LCOR: variants seen among roughly 807,000 people sequenced by gnomAD.
LCOR encodes the protein ligand dependent nuclear receptor corepressor.
A neutral mutation model predicts 64.4 loss-of-function variants in LCOR; 14 were observed. The ratio of observed to expected loss-of-function variants is 0.22; its 90% CI spans 0.14 to 0.34. The LOEUF is 0.34. Among genes scored for constraint, LCOR ranks in the 10% least tolerant of loss-of-function variants. The pLI, the probability that LCOR is intolerant of heterozygous loss-of-function variation, is 1.00. For synonymous variants in LCOR, 643 were observed against 642.5 expected, an observed-to-expected ratio of 1.00 and a Z score of -0.01; for missense variants, 1,686 against 1,765.3, an observed-to-expected ratio of 0.96 and a Z score of 0.80.
intron 4 of LCOR, among the ~76,000 whole-genome samples, chr10:96,908,714 G>A (rs1407868133): frequency 3.0e-5 from 4 of 135,146 alleles, no homozygotes; most frequent in Admixed American, 7.9e-5. Flanking sequence ...TTCTTCTGCC[G>A]TATACACTCT....
chr10:96,904,317 C>T (rs1458255053), intron 2 of LCOR, among the ~76,000 whole-genome samples: 1 of 152,162 alleles, frequency 6.6e-6, no homozygotes, highest in Admixed American at 6.5e-5. Flanking sequence ...GATCACTGAA[C>T]ACAACAGAAG....
chr10:96,863,915 A>G (rs929929728), intron 2 of LCOR, among the ~76,000 whole-genome samples: 8 of 152,088 alleles, frequency 5.3e-5, no homozygotes, highest in Non-Finnish European at 1.0e-4. Flanking sequence ...TTCTTTCTGT[A>G]TCAGTTAGCA....
intron 2 of LCOR, among the ~76,000 whole-genome samples, chr10:96,902,139 A>T (rs1328635193): frequency 2.6e-5 from 4 of 152,166 alleles, no homozygotes; most frequent in African/African-American, 9.7e-5. Context: ...CTTAAAAAAA[A>T]AAAATACTAT....
rs1185378093 is a variant in LCOR, at chr10:96,993,421, G to A, written c.*8287G>A. The A allele has an allele frequency of 1.3e-5, 2 of 152,156 alleles. No homozygotes were observed. Among genetic ancestry groups the A allele is most frequent in the Non-Finnish European group, 2.9e-5 (2 of 68,038 alleles). The allele number at this position is 152,156 out of a possible 1,614,324, so 9.4% of individuals were successfully genotyped here. On this transcript the variant is annotated 3_prime_UTR_variant, in exon 8 of 8. Transcript: ENST00000421806. ...ACTAGGTGCCAGGGAATTTAGCACT[G>A]AACTAGACAGTCAAAACTTTTTTAA...
chr10:96,965,759 G>A (rs1445476706), intron 7 of LCOR, among the ~76,000 whole-genome samples: 1 of 149,638 alleles, frequency 6.7e-6, no homozygotes. Context: ...CTACAGACTT[G>A]TTCTGTTGGC....
intron 2 of LCOR, among the ~76,000 whole-genome samples, chr10:96,852,996 A>G (rs1294129578): frequency 6.6e-6 from 1 of 152,194 alleles, no homozygotes; most frequent in Non-Finnish European, 1.5e-5. Flanking sequence ...GTATGCTTGA[A>G]TAGTAAATTT....
intron 4 of LCOR, among the ~76,000 whole-genome samples, chr10:96,922,752 A>T (rs937965553): frequency 1.3e-5 from 2 of 152,224 alleles, no homozygotes; most frequent in African/African-American, 2.4e-5. Context: ...GCAAATGCTG[A>T]TTATAGATAC....
chr10:96,880,932 ACT>A (rs1846252246), intron 2 of LCOR, among the ~76,000 whole-genome samples: 1 of 152,232 alleles, frequency 6.6e-6, no homozygotes, highest in Non-Finnish European at 1.5e-5. Context: ...ATCAAATATA[ACT>A]AATATTGAAG....
At chr10:96,945,349 T>C (rs1847569402) in intron 5 of LCOR, among the ~76,000 whole-genome samples, 1 of 152,180 alleles carries the variant, frequency 6.6e-6, no homozygotes, top group Non-Finnish European at 1.5e-5. Context: ...CGGTGTGAAG[T>C]GTAGTGTCAT....
At chr10:96,867,951 C>T (rs11188953) in intron 2 of LCOR, among the ~76,000 whole-genome samples, 17 of 152,108 alleles carry the variant, frequency 1.1e-4, no homozygotes, top group African/African-American at 4.1e-4. Context: ...ATGGCATGAT[C>T]TTGGCTCACT....
intron 4 of LCOR, among the ~76,000 whole-genome samples, chr10:96,925,594 T>G (rs1373916548): frequency 6.6e-6 from 1 of 151,938 alleles, no homozygotes; most frequent in Non-Finnish European, 1.5e-5. Flanking sequence ...TTGTTTTTAC[T>G]TATTTTATTT....
intron 7 of LCOR, chr10:96,955,436 G>T: frequency 1.9e-6 from 3 of 1,614,194 alleles, no homozygotes; most frequent in Non-Finnish European, 2.5e-6. Flanking sequence ...CTGGTGATCA[G>T]TACAGCTATA....
At chr10:96,950,706 A>T (rs998979442) in intron 6 of LCOR, among the ~76,000 whole-genome samples, 4 of 152,128 alleles carry the variant, frequency 2.6e-5, no homozygotes, top group Admixed American at 6.5e-5. Context: ...AAGTAAAAAA[A>T]TTTTAAATTA....
chr10:96,844,236 C>T (rs1278109378), intron 2 of LCOR, among the ~76,000 whole-genome samples: 3 of 150,260 alleles, frequency 2.0e-5, no homozygotes, highest in Admixed American at 1.3e-4. Context: ...GTGCAGCCTC[C>T]GACTCCTGGA....
At chr10:96,943,521 T>A (rs1847534442) in intron 4 of LCOR, among the ~76,000 whole-genome samples, 1 of 152,258 alleles carries the variant, frequency 6.6e-6, no homozygotes, top group Admixed American at 6.5e-5. Context: ...AATGCTACTT[T>A]TGACCACTTA....
intron 2 of LCOR, among the ~76,000 whole-genome samples, chr10:96,837,560 A>T (rs939196132): frequency 6.6e-6 from 1 of 152,182 alleles, no homozygotes; most frequent in African/African-American, 2.4e-5. Flanking sequence ...CGGCCGACAG[A>T]TTCTTTTTTA....
chr10:96,839,216 TTTA>T, intron 2 of LCOR, among the ~76,000 whole-genome samples: 1 of 152,338 alleles, frequency 6.6e-6, no homozygotes, highest in African/African-American at 2.4e-5. Context: ...TGGGTTATTA[TTTA>T]TTGTTGAATT....
In LCOR at chr10:96,910,367, C is replaced by T. The variant is rs148974974; in HGVS notation, c.-184+2620C>T. ...TGGTTCTGGGAAAGCTATTTTTCTC[C>T]GTTAGATACTATATCCTGTCTTTGG... On this transcript the variant is annotated intron_variant, in intron 4 of 7. Coordinates refer to ENST00000421806, the MANE Select transcript of LCOR (RefSeq NM_001346516.2). 3.6e-3 allele frequency among the ~76,000 whole-genome samples: 542 copies of T among 152,290 alleles called. 2 individuals carry two copies. Among genetic ancestry groups the T allele is most frequent in the Non-Finnish European group, 5.8e-3 (393 of 68,028 alleles).
chr10:96,900,398 C>G (rs1037032220), intron 2 of LCOR, among the ~76,000 whole-genome samples: 1 of 150,794 alleles, frequency 6.6e-6, no homozygotes, highest in Non-Finnish European at 1.5e-5. Flanking sequence ...GAATCTCTTA[C>G]GAGTTAGACA....
Sources: gnomAD v4.1 joint callset for allele counts (sites outside exome capture counted in the v4.1 genomes callset) on GRCh38, gnomAD v4.1.1 for gene constraint, MANE v1.5 for transcripts, NCBI Gene and HGNC (gene_info 2026-07-23, HGNC 2026-07-21) for gene names.